TNS3: variants seen among roughly 807,000 people sequenced by gnomAD.
The protein encoded by TNS3 is tensin-3.
TNS3 carries 45 observed loss-of-function variants against 140.9 expected under a neutral mutation model. The ratio of observed to expected loss-of-function variants is 0.32; its 90% CI spans 0.25 to 0.41. The LOEUF (loss-of-function observed/expected upper bound fraction) is 0.41. TNS3 is among the 10% of genes least tolerant of loss of function. The pLI is 1.00. For synonymous variants in TNS3, 815 were observed against 788.4 expected, an observed-to-expected ratio of 1.03 and a Z score of -0.56; for missense variants, 1,716 against 1,906.7, an observed-to-expected ratio of 0.90 and a Z score of 1.86.
chr7:47,388,982 C>A (rs62446290), intron 16 of TNS3, among the ~76,000 whole-genome samples: 1,299 of 88,942 alleles, frequency 0.015, 385 homozygotes, highest in Middle Eastern at 0.042. Flanking sequence ...GAAGAAGCAG[C>A]AGAGGAAGAA....
chr7:47,295,184 GTTCCT>G (rs1785936448), intron 24 of TNS3, among the ~76,000 whole-genome samples: 1 of 152,134 alleles, frequency 6.6e-6, no homozygotes, highest in African/African-American at 2.4e-5. Flanking sequence ...CCCCTATTTT[GTTCCT>G]TTCATCTTAA....
At chr7:47,377,604 C>T (rs1335965257) in intron 16 of TNS3, among the ~76,000 whole-genome samples, 1 of 152,110 alleles carries the variant, frequency 6.6e-6, no homozygotes, top group Non-Finnish European at 1.5e-5. Context: ...TCAGTTAAAA[C>T]AACCGTTGTG....
chr7:47,286,886 C>A (rs918438731), intron 27 of TNS3, among the ~76,000 whole-genome samples: 2 of 152,022 alleles, frequency 1.3e-5, no homozygotes, highest in Admixed American at 1.3e-4. Flanking sequence ...AGAAAAGAAT[C>A]GTACAGGCAG....
At chr7:47,368,006 T>C (rs1162794009) in intron 17 of TNS3, among the ~76,000 whole-genome samples, 1 of 152,256 alleles carries the variant, frequency 6.6e-6, no homozygotes, top group East Asian at 1.9e-4. Context: ...AAGTATGCTT[T>C]CTTTGTAAAT....
chr7:47,421,183 G>A (rs1374633142), intron 10 of TNS3, among the ~76,000 whole-genome samples: 2 of 152,156 alleles, frequency 1.3e-5, no homozygotes, highest in Non-Finnish European at 2.9e-5. Flanking sequence ...GAAAGGAAAG[G>A]CAGAAAAGAA....
At chr7:47,576,457 G>A (rs1164070199) in intron 1 of TNS3, among the ~76,000 whole-genome samples, 1 of 152,204 alleles carries the variant, frequency 6.6e-6, no homozygotes, top group Non-Finnish European at 1.5e-5. Context: ...TTTGTGGGAT[G>A]CCAGAGCCTG....
chr7:47,322,977 G>C (rs1395800133), intron 20 of TNS3, among the ~76,000 whole-genome samples: 1 of 152,130 alleles, frequency 6.6e-6, no homozygotes, highest in Non-Finnish European at 1.5e-5. Context: ...TACATAGGAG[G>C]CCAGCAGGGA....
intron 1 of TNS3, among the ~76,000 whole-genome samples, chr7:47,573,583 C>T (rs1489539320): frequency 1.3e-5 from 2 of 152,312 alleles, no homozygotes; most frequent in Middle Eastern, 3.4e-3. Flanking sequence ...GCCCCTCCAT[C>T]GCGACGGGTC....
At chr7:47,361,519 C>T (rs1330039267) in intron 17 of TNS3, among the ~76,000 whole-genome samples, 3 of 152,224 alleles carry the variant, frequency 2.0e-5, no homozygotes, top group Non-Finnish European at 4.4e-5. Context: ...GTCTGCCTGT[C>T]TCCACTTTGT....
At chr7:47,530,408 A>G (rs1254665546) in intron 1 of TNS3, among the ~76,000 whole-genome samples, 1 of 152,152 alleles carries the variant, frequency 6.6e-6, no homozygotes, top group Admixed American at 6.6e-5. Context: ...TTTAACCAAC[A>G]TAACATATGT....
At position 47,490,560 on chromosome 7, in the gene TNS3, G is replaced by A. The variant is rs145527286; in HGVS notation, c.-114-9419C>T. On this transcript the variant is annotated intron_variant, in intron 3 of 30. Coordinates refer to ENST00000311160, the MANE Select transcript of TNS3 (RefSeq NM_022748.12). ...GAGTGGTGGAATATGGCAGAACTCC[G>A]AAGCCTGGCCTTAGACAGCTGCAGT... is the stretch of plus-strand genomic sequence containing the variant. Among the ~76,000 whole-genome samples, 1,022 of 152,326 alleles carry A rather than the reference G, an allele frequency of 6.7e-3. 2 individuals carry two copies. Among genetic ancestry groups the A allele is most frequent in the Non-Finnish European group, 9.0e-3 (615 of 68,028 alleles).
At chr7:47,557,064 C>T (rs1046590369) in intron 1 of TNS3, 8 of 456,696 alleles carry the variant, frequency 1.8e-5, no homozygotes, top group African/African-American at 1.4e-4. Context: ...GGTGCCTAGT[C>T]CCCATCTTCC....
intron 20 of TNS3, among the ~76,000 whole-genome samples, chr7:47,333,270 T>C (rs577975794): frequency 6.6e-6 from 1 of 152,228 alleles, no homozygotes. Context: ...TTCTTTTTCA[T>C]GTTGTTCATC....
chr7:47,406,942 G>T (rs1793484022), intron 13 of TNS3, among the ~76,000 whole-genome samples: 1 of 152,158 alleles, frequency 6.6e-6, no homozygotes, highest in African/African-American at 2.4e-5. Flanking sequence ...TGGGTCACTG[G>T]AAGGTCGGAA....
intron 17 of TNS3, among the ~76,000 whole-genome samples, chr7:47,356,345 C>T (rs1404480869): frequency 6.6e-6 from 1 of 152,216 alleles, no homozygotes; most frequent in Non-Finnish European, 1.5e-5. Flanking sequence ...TTCCAACACA[C>T]AACCAAGCTC....
chr7:47,347,939 C>T (rs1207006707), intron 17 of TNS3, among the ~76,000 whole-genome samples: 1 of 152,166 alleles, frequency 6.6e-6, no homozygotes, highest in Non-Finnish European at 1.5e-5. Flanking sequence ...ATCTGAGAGT[C>T]CTACTCACAC....
At chr7:47,409,104 G>A (rs896083361) in intron 13 of TNS3, among the ~76,000 whole-genome samples, 2 of 151,612 alleles carry the variant, frequency 1.3e-5, no homozygotes, top group Non-Finnish European at 2.9e-5. Flanking sequence ...ATAATGAGGA[G>A]GAAGGAGGGA....
At chr7:47,293,880 G>C in intron 24 of TNS3, 52 bp from the exon 25 acceptor site, 1 of 1,539,438 alleles carries the variant, frequency 6.5e-7, no homozygotes, top group Non-Finnish European at 9.0e-7. Context: ...GGGAGCATGG[G>C]AGAATTCAAT....
At chr7:47,482,410 C>T (rs1201377970) in intron 3 of TNS3, among the ~76,000 whole-genome samples, 1 of 152,126 alleles carries the variant, frequency 6.6e-6, no homozygotes, top group Non-Finnish European at 1.5e-5. Context: ...GGGCAGGGGT[C>T]CTCTCTCAGG....
Sources: gnomAD v4.1 joint callset for allele counts (sites outside exome capture counted in the v4.1 genomes callset) on GRCh38, gnomAD v4.1.1 for gene constraint, MANE v1.5 for transcripts, NCBI Gene and HGNC (gene_info 2026-07-23, HGNC 2026-07-21) for gene names.